Variants in BLTP3A observed in about 807,000 individuals in gnomAD.
BLTP3A encodes bridge-like lipid transfer protein family member 3A.
At chr6:34,830,976 CT>C in the BLTP3A span, among the ~76,000 whole-genome samples, 1 of 152,038 alleles carries the variant, frequency 6.6e-6, no homozygotes, top group African/African-American at 2.4e-5. Flanking sequence ...TCATAAAGCA[CT>C]TGTGTGTTTT....
chr6:34,838,805 GT>G, the BLTP3A span, among the ~76,000 whole-genome samples: 1 of 151,934 alleles, frequency 6.6e-6, no homozygotes, highest in African/African-American at 2.4e-5. Flanking sequence ...TCAGCTGGGC[GT>G]GGTGGCACAC....
At chr6:34,849,878 C>T in the BLTP3A span, among the ~76,000 whole-genome samples, 12 of 152,080 alleles carry the variant, frequency 7.9e-5, no homozygotes, top group Non-Finnish European at 1.6e-4. Context: ...TGGCTCATGC[C>T]TTTAATAATC....
chr6:34,834,451 A>G, the BLTP3A span: 2 of 1,600,156 alleles, frequency 1.2e-6, no homozygotes, highest in South Asian at 1.1e-5. Context: ...GGGAATATTC[A>G]AAGTCAGACT....
chr6:34,836,301 C>T, the BLTP3A span: 1 of 1,614,200 alleles, frequency 6.2e-7, no homozygotes, highest in Non-Finnish European at 8.5e-7. Context: ...CTGCTCATCT[C>T]CCGCCTGGAC....
the BLTP3A span, among the ~76,000 whole-genome samples, chr6:34,868,863 C>T: frequency 4.0e-4 from 60 of 151,858 alleles, no homozygotes; most frequent in East Asian, 0.011. Flanking sequence ...TGCACTCCAG[C>T]CTGGGCAATA....
the BLTP3A span, among the ~76,000 whole-genome samples, chr6:34,807,838 G>A: frequency 1.3e-5 from 2 of 152,044 alleles, no homozygotes; most frequent in Non-Finnish European, 1.5e-5. Flanking sequence ...TCAGGAGTTC[G>A]AGATCAGCCT....
the BLTP3A span, chr6:34,859,596 C>T: frequency 1.2e-6 from 2 of 1,609,246 alleles, no homozygotes; most frequent in Non-Finnish European, 8.5e-7. Flanking sequence ...ACCTCCTTCA[C>T]TCATCCCATC....
At chr6:34,859,715 G>T in the BLTP3A span, 3 of 1,261,674 alleles carry the variant, frequency 2.4e-6, no homozygotes, top group South Asian at 4.5e-5. Flanking sequence ...CTATTTAATG[G>T]GCAGTTTTCA....
chr6:34,847,921 C>CTTTTTTTTTT, the BLTP3A span, among the ~76,000 whole-genome samples: 9 of 91,150 alleles, frequency 9.9e-5, no homozygotes, highest in South Asian at 3.2e-4. Flanking sequence ...TCTTTTTTTC[C>CTTTTTTTTTT]TTTTTTTTTT....
At chr6:34,857,764 A>G in the BLTP3A span, 66 of 1,614,112 alleles carry the variant, frequency 4.1e-5, no homozygotes, top group African/African-American at 8.4e-4. Flanking sequence ...ATGGTCTGAC[A>G]TTTACTATGG....
chr6:34,867,332 G>A, the BLTP3A span: 2 of 1,614,164 alleles, frequency 1.2e-6, no homozygotes, highest in Non-Finnish European at 8.5e-7. Flanking sequence ...GTCACCAGCA[G>A]CCAACAGTTC....
chr6:34,821,464 T>G, the BLTP3A span: 1 of 575,468 alleles, frequency 1.7e-6, no homozygotes. Flanking sequence ...GAGTGCAGTG[T>G]TTACAACTAA....
chr6:34,841,448 TAAATTAAAATGAAAATTA>T, the BLTP3A span, among the ~76,000 whole-genome samples: 1 of 152,268 alleles, frequency 6.6e-6, no homozygotes, highest in Non-Finnish European at 1.5e-5. Flanking sequence ...TGCAGCTATT[TAAATTAAAATGAAAATTA>T]CAATTAAAAG....
the BLTP3A span, among the ~76,000 whole-genome samples, chr6:34,835,640 C>G: frequency 2.6e-5 from 4 of 152,148 alleles, no homozygotes; most frequent in African/African-American, 4.8e-5. Context: ...TTGGGTACCT[C>G]CAGTGTATTA....
At chr6:34,808,984 ATACT>A in the BLTP3A span, among the ~76,000 whole-genome samples, 117 of 152,366 alleles carry the variant, frequency 7.7e-4, no homozygotes, top group African/African-American at 2.6e-3. Context: ...CATTTAAGAA[ATACT>A]TAATACCCAT....
chr6:34,823,245 C>T, the BLTP3A span: 838 of 1,610,420 alleles, frequency 5.2e-4, 7 homozygotes, highest in African/African-American at 9.5e-3. Flanking sequence ...TTCTCCTTGA[C>T]TTCTATTTCA....
At chr6:34,843,757 T>C in the BLTP3A span, among the ~76,000 whole-genome samples, 1 of 152,192 alleles carries the variant, frequency 6.6e-6, no homozygotes, top group Non-Finnish European at 1.5e-5. Flanking sequence ...TGGATAAATA[T>C]CCAGTAGTGG....
the BLTP3A span, among the ~76,000 whole-genome samples, chr6:34,864,820 T>A: frequency 8.6e-5 from 13 of 152,038 alleles, no homozygotes; most frequent in Admixed American, 8.5e-4. Context: ...ATAGAAAAAT[T>A]AGCTGGGCTT....
At chr6:34,801,701 T>TTTTATTTATTTA in the BLTP3A span, among the ~76,000 whole-genome samples, 1 of 150,816 alleles carries the variant, frequency 6.6e-6, no homozygotes, top group Non-Finnish European at 1.5e-5. Flanking sequence ...CACAGCTTTA[T>TTTTATTTATTTA]TTTATTTATT....
Sources: allele counts gnomAD v4.1 joint callset (sites outside exome capture counted in the v4.1 genomes callset), GRCh38; gene constraint gnomAD v4.1.1; transcripts MANE v1.5; gene names NCBI Gene and HGNC (gene_info 2026-07-23, HGNC 2026-07-21).